SH3YL1: variants seen among roughly 807,000 people sequenced by gnomAD.
SH3YL1 encodes the protein SH3 and SYLF domain containing 1, also known as SH3 domain-containing YSC84-like protein 1.
SH3YL1 carries 41 observed loss-of-function variants against 45.8 expected under a neutral mutation model. The observed-to-expected ratio is 0.89, with a 90% CI of 0.70 to 1.16. The LOEUF is 1.16. Among genes scored for constraint, SH3YL1 ranks in the 50% most tolerant of loss-of-function variants. The pLI is 0.00. For missense variants in SH3YL1, 389 were observed against 409.6 expected, an observed-to-expected ratio of 0.95 and a Z score of 0.43; for synonymous variants, 152 against 151.4, an observed-to-expected ratio of 1.00 and a Z score of -0.03.
intron 4 of SH3YL1, among the ~76,000 whole-genome samples, chr2:246,206 A>AT (rs1668801469): frequency 6.6e-6 from 1 of 151,724 alleles, no homozygotes; most frequent in East Asian, 1.9e-4. Flanking sequence ...AAAAAAAAAA[A>AT]GAGAAAAAAG....
rs1027794865 is a variant in SH3YL1, at chr2:242,956, T to C, written c.291+4582A>G. ...AAATGGTCAATCAACCAAAGAGATA[T>C]AACAATTATAAACATAGTAATACAC... On this transcript the variant is annotated intron_variant, in intron 4 of 9. Coordinates refer to ENST00000356150, the MANE Select transcript of SH3YL1 (RefSeq NM_015677.4). 6 of 834,516 alleles carry C rather than the reference T, an allele frequency of 7.2e-6. No individual in the cohort carries two copies. In the African/African-American group the frequency reaches 8.8e-5, roughly 12 times the overall value. 51.7% of individuals were successfully genotyped at this position (834,516 alleles called of 1,614,324 possible).
upstream of SH3YL1, chr2:264,787 T>C (rs2103067651): frequency 6.1e-6 from 4 of 656,380 alleles, no homozygotes; most frequent in Non-Finnish European, 9.9e-6. Context: ...ACTACCGTCA[T>C]AGGACCGCCT....
chr2:256,461 GT>G (rs1298388571), intron 1 of SH3YL1: 7 of 152,222 alleles, frequency 4.6e-5, no homozygotes, highest in African/African-American at 1.7e-4. Flanking sequence ...GGAGGCCGAG[GT>G]GGGGGGATCA....
chr2:227,739 G>C (rs1043456990), intron 8 of SH3YL1, among the ~76,000 whole-genome samples: 1 of 151,490 alleles, frequency 6.6e-6, no homozygotes, highest in South Asian at 2.1e-4. Context: ...TGTTGTGAAC[G>C]TGGGTTTCCT....
intron 4 of SH3YL1, chr2:242,766 C>A: frequency 6.5e-7 from 1 of 1,532,230 alleles, no homozygotes; most frequent in Non-Finnish European, 8.8e-7. Flanking sequence ...ATTATATGCT[C>A]CATAGGAGAC....
chr2:264,758 G>T (rs1242908259), upstream of SH3YL1: 5 of 547,362 alleles, frequency 9.1e-6, no homozygotes, highest in Non-Finnish European at 1.3e-5. Flanking sequence ...GTGACCCGCG[G>T]ACCCTCCCCG....
chr2:248,105 A>G (rs1325218707), intron 3 of SH3YL1, among the ~76,000 whole-genome samples: 3 of 152,238 alleles, frequency 2.0e-5, no homozygotes, highest in African/African-American at 7.2e-5. Flanking sequence ...TAAGCAGAAT[A>G]AATAGGCTAT....
At chr2:247,718 G>T in intron 3 of SH3YL1, 116 bp from the exon 4 acceptor site, 1 of 701,432 alleles carries the variant, frequency 1.4e-6, no homozygotes, top group Non-Finnish European at 2.3e-6. Flanking sequence ...ATGAGACTTG[G>T]TATTTCCCCT....
At chr2:258,392 GTATTT>G (rs1400470888) in intron 1 of SH3YL1, among the ~76,000 whole-genome samples, 2 of 152,092 alleles carry the variant, frequency 1.3e-5, no homozygotes, top group South Asian at 2.1e-4. Flanking sequence ...GTATTCTTAG[GTATTT>G]TATTCTTTTT....
chr2:219,880 T>C (rs1284729857), intron 9 of SH3YL1, among the ~76,000 whole-genome samples: 1 of 152,102 alleles, frequency 6.6e-6, no homozygotes, highest in Non-Finnish European at 1.5e-5. Flanking sequence ...AAGTTGGAAT[T>C]AGCACAGGTA....
At chr2:252,911 G>A (rs1419826237) in intron 2 of SH3YL1, 94 bp downstream of exon 2, 1 of 712,986 alleles carries the variant, frequency 1.4e-6, no homozygotes, top group Admixed American at 2.8e-5. Flanking sequence ...GGCATTGATG[G>A]AGGCTTCTGC....
upstream of SH3YL1, chr2:264,101 G>A (rs1572189415): frequency 9.8e-6 from 13 of 1,321,950 alleles, no homozygotes; most frequent in African/African-American, 1.5e-5. Flanking sequence ...AGGTGACGAA[G>A]GAGGCGGCGC....
chr2:231,271 C>A, intron 6 of SH3YL1, 80 bp from the exon 7 acceptor site: 2 of 1,070,958 alleles, frequency 1.9e-6, no homozygotes, highest in Non-Finnish European at 2.7e-6. Flanking sequence ...TGCGCACACA[C>A]GGTGTGTATA....
intron 4 of SH3YL1, chr2:242,734 A>G: frequency 6.9e-7 from 1 of 1,456,668 alleles, no homozygotes; most frequent in South Asian, 1.5e-5. Flanking sequence ...AACAACAATA[A>G]CAACAACAAC....
intron 1 of SH3YL1, among the ~76,000 whole-genome samples, chr2:257,341 C>T (rs569281459): frequency 3.3e-5 from 5 of 152,296 alleles, no homozygotes; most frequent in African/African-American, 9.6e-5. Flanking sequence ...CCTAGCTTAT[C>T]TTCCAGAGTT....
At chr2:252,878 A>G in intron 2 of SH3YL1, 127 bp downstream of exon 2, 1 of 611,698 alleles carries the variant, frequency 1.6e-6, no homozygotes, top group South Asian at 2.1e-5. Flanking sequence ...GTGGTGGAAC[A>G]AAAGGTGGCT....
intron 4 of SH3YL1, 109 bp from the exon 5 acceptor site, chr2:234,381 TAG>T: frequency 1.4e-6 from 1 of 732,154 alleles, no homozygotes; most frequent in Middle Eastern, 2.5e-4. Context: ...AAAACATCAA[TAG>T]AGACAGGAAA....
chr2:262,471 A>G (rs1025793221), intron 1 of SH3YL1: 5 of 637,804 alleles, frequency 7.8e-6, no homozygotes, highest in East Asian at 7.6e-5. Context: ...CTCTTCTCCA[A>G]CTGAAGAGTG....
intron 9 of SH3YL1, among the ~76,000 whole-genome samples, chr2:224,193 C>A (rs1203531538): frequency 6.6e-6 from 1 of 152,030 alleles, no homozygotes. Flanking sequence ...AATTTGTGTA[C>A]CACTCACATT....
Sources: gnomAD v4.1 joint callset for allele counts (sites outside exome capture counted in the v4.1 genomes callset) on GRCh38, gnomAD v4.1.1 for gene constraint, MANE v1.5 for transcripts, NCBI Gene and HGNC (gene_info 2026-07-23, HGNC 2026-07-21) for gene names.